Variants in UHRF2 observed in about 807,000 individuals in gnomAD.
The protein encoded by UHRF2 is E3 ubiquitin-protein ligase UHRF2.
Under a neutral mutation model 96.8 loss-of-function variants are expected in UHRF2, and 23 were observed. The observed-to-expected ratio is 0.24, with a 90% CI of 0.17 to 0.34. The LOEUF is 0.34. Ranked by LOEUF, UHRF2 falls within the 10% of genes least tolerant of loss-of-function variation. The probability of loss-of-function intolerance (pLI) is 1.00; values close to 1 mark genes in which losing one functional copy is unlikely to be tolerated. For synonymous variants in UHRF2, 385 were observed against 332.6 expected (o/e 1.16, Z -1.72); for missense variants, 685 against 981.5 (o/e 0.70, Z 4.04).
intron 3 of UHRF2, 21 bp downstream of exon 3, chr9:6,434,194 G>A (rs753057697): frequency 6.3e-7 from 1 of 1,586,918 alleles, no homozygotes; most frequent in Middle Eastern, 1.7e-4. Context: ...AAGCTATTGA[G>A]GACTTTATTC....
chr9:6,494,018 A>G (rs897948724), intron 10 of UHRF2, 86 bp downstream of exon 10: 1 of 1,183,412 alleles, frequency 8.5e-7, no homozygotes, highest in African/African-American at 1.5e-5. Context: ...GTTGCAGAGG[A>G]GAATTTCAAA....
At chr9:6,489,703 T>C (rs1587870007) in intron 9 of UHRF2, among the ~76,000 whole-genome samples, 1 of 151,806 alleles carries the variant, frequency 6.6e-6, no homozygotes, top group African/African-American at 2.4e-5. Context: ...TTCAGGTTTT[T>C]TGGCCATTTT....
intron 2 of UHRF2, among the ~76,000 whole-genome samples, chr9:6,423,899 T>C (rs887238417): frequency 5.9e-5 from 9 of 152,102 alleles, no homozygotes; most frequent in African/African-American, 1.7e-4. Context: ...GAGCCAAGAT[T>C]GCGCCACTGC....
chr9:6,503,046 G>C (rs1816383737), intron 14 of UHRF2, among the ~76,000 whole-genome samples: 1 of 152,180 alleles, frequency 6.6e-6, no homozygotes, highest in African/African-American at 2.4e-5. Flanking sequence ...CCAGGCTGAA[G>C]TACAGTAGCA....
chr9:6,445,981 C>CCTTTT (rs1554624504), intron 3 of UHRF2, among the ~76,000 whole-genome samples: 3 of 78,896 alleles, frequency 3.8e-5, no homozygotes, highest in African/African-American at 5.3e-5. Context: ...CCCCGCCACC[C>CCTTTT]TTTTTTTTTT....
At chr9:6,492,333 A>G (rs1824712464) in intron 9 of UHRF2, 1 of 1,245,018 alleles carries the variant, frequency 8.0e-7, no homozygotes, top group African/African-American at 1.5e-5. Flanking sequence ...AATATTGTGG[A>G]GTCTGTCCAG....
In UHRF2 at chr9:6,505,309, A is replaced by T. The variant is rs180893956; in HGVS notation, c.2262+618A>T. ...TGTGTGTGTGTGTATATATATATATATTTTTTGACGGAATCTCACTCTGTC... is the reference window on the plus strand; with the variant it reads ...TGTGTGTGTGTGTATATATATATATTTTTTTTGACGGAATCTCACTCTGTC... On this transcript the variant is annotated intron_variant, in intron 15 of 15. Transcript: ENST00000276893. Among the ~76,000 whole-genome samples the T allele has an allele frequency of 2.6e-3, 401 of 151,952 alleles. 3 individuals are homozygous for T. Among genetic ancestry groups the T allele is most frequent in the East Asian group, 0.011 (55 of 5,184 alleles).
chr9:6,471,396 A>G (rs1823231763), intron 4 of UHRF2, among the ~76,000 whole-genome samples: 2 of 152,228 alleles, frequency 1.3e-5, no homozygotes. Context: ...CCTGCTTACT[A>G]ATACTCACCC....
chr9:6,473,493 C>A (rs982573140), intron 4 of UHRF2, among the ~76,000 whole-genome samples: 8 of 151,964 alleles, frequency 5.3e-5, no homozygotes, highest in African/African-American at 1.9e-4. Context: ...TTTTCTAATC[C>A]CCAAAGAATT....
intron 4 of UHRF2, among the ~76,000 whole-genome samples, chr9:6,474,023 C>G (rs577184659): frequency 6.6e-6 from 1 of 151,578 alleles, no homozygotes; most frequent in South Asian, 2.1e-4. Flanking sequence ...TTTTCAAACA[C>G]AGGCAAAACT....
chr9:6,460,829 A>G, intron 4 of UHRF2, 38 bp downstream of exon 4: 1 of 1,556,618 alleles, frequency 6.4e-7, no homozygotes, highest in South Asian at 1.2e-5. Flanking sequence ...AATTAACTGA[A>G]TTGATCAAGG....
chr9:6,476,341 A>AT (rs1381033043), intron 5 of UHRF2, among the ~76,000 whole-genome samples: 20 of 152,192 alleles, frequency 1.3e-4, no homozygotes, highest in African/African-American at 4.8e-4. Context: ...TGTTTCTGTA[A>AT]TTTTGTTAGC....
chr9:6,435,228 A>T, intron 3 of UHRF2, among the ~76,000 whole-genome samples: 1 of 152,090 alleles, frequency 6.6e-6, no homozygotes, highest in Non-Finnish European at 1.5e-5. Flanking sequence ...TCCTGATCTC[A>T]GGTGATCTGC....
At chr9:6,458,243 G>A (rs1822304651) in intron 3 of UHRF2, among the ~76,000 whole-genome samples, 1 of 152,158 alleles carries the variant, frequency 6.6e-6, no homozygotes, top group Non-Finnish European at 1.5e-5. Flanking sequence ...GAGGGTGTAT[G>A]TGTCCAGGAA....
intron 14 of UHRF2, among the ~76,000 whole-genome samples, chr9:6,501,148 A>G (rs935564882): frequency 1.2e-4 from 19 of 152,332 alleles, no homozygotes; most frequent in African/African-American, 4.6e-4. Context: ...ATGTTTCTAA[A>G]TTTTCATTTT....
chr9:6,430,611 A>G (rs1055882639), intron 2 of UHRF2, among the ~76,000 whole-genome samples: 28 of 151,960 alleles, frequency 1.8e-4, no homozygotes, highest in African/African-American at 6.8e-4. Flanking sequence ...TACCTCCCTT[A>G]TCTAACTCTT....
intron 8 of UHRF2, among the ~76,000 whole-genome samples, chr9:6,484,869 C>G (rs1311170854): frequency 1.4e-5 from 2 of 143,516 alleles, no homozygotes; most frequent in African/African-American, 5.3e-5. Context: ...TCTCGGCTCA[C>G]CGCAACCTCC....
intron 3 of UHRF2, among the ~76,000 whole-genome samples, chr9:6,459,895 C>T (rs1330494991): frequency 6.6e-6 from 1 of 152,162 alleles, no homozygotes; most frequent in Non-Finnish European, 1.5e-5. Flanking sequence ...ATTTCTTGAG[C>T]CCAGGAGTTT....
chr9:6,495,904 C>A (rs1456828704), intron 10 of UHRF2: 2 of 151,864 alleles, frequency 1.3e-5, no homozygotes, highest in Non-Finnish European at 2.9e-5. Context: ...TGTAATATCT[C>A]AATAGGTATT....
Sources: gnomAD v4.1 joint callset for allele counts (sites outside exome capture counted in the v4.1 genomes callset) on GRCh38, gnomAD v4.1.1 for gene constraint, MANE v1.5 for transcripts, NCBI Gene and HGNC (gene_info 2026-07-23, HGNC 2026-07-21) for gene names.